The following ZNRF3 variants were observed in gnomAD, a reference collection of about 807,000 sequenced individuals.
ZNRF3 encodes the protein E3 ubiquitin-protein ligase ZNRF3.
In ZNRF3, 23 loss-of-function variants were observed where a neutral mutation model predicts 72.5. The ratio of observed to expected loss-of-function variants is 0.32; its 90% CI spans 0.23 to 0.45. The LOEUF (loss-of-function observed/expected upper bound fraction) is 0.45. Among genes scored for constraint, ZNRF3 ranks in the 20% least tolerant of loss-of-function variants. The pLI is 1.00. For synonymous variants in ZNRF3, 610 were observed against 545.3 expected (o/e 1.12, Z -1.65); for missense variants, 1,169 against 1,272.1 (o/e 0.92, Z 1.23).
chr22:29,049,864 C>G lies in ZNRF3; in HGVS notation c.1683C>G (p.His561Gln). Residue 561 changes from histidine to glutamine, a missense_variant, in exon 8 of 9, where the codon CAC (histidine) becomes CAG (glutamine). His to Gln is a conservative substitution (Grantham distance 24). Coordinates refer to ENST00000544604, the MANE Select transcript of ZNRF3 (RefSeq NM_001206998.2). The surrounding 1 kb of genome is among the most constrained non-coding windows in gnomAD (Gnocchi z 5.2). ...GCAGCAGCAGCTCCGGCCAGTGCCA[C>G]TGTTCCTCCAGTGACTCTGTGGTAG... ...SSSSSSSGQC[H>Q]CSSSDSVVDC... 1 of 1,606,208 alleles carries G rather than the reference C, an allele frequency of 6.2e-7. No individual in the cohort carries two copies. The highest frequency in any genetic ancestry group is 2.2e-5 in the East Asian group (1 of 44,752).
intron 1 of ZNRF3, among the ~76,000 whole-genome samples, chr22:28,980,594 G>A (rs1361346570): frequency 6.6e-6 from 1 of 152,158 alleles, no homozygotes; most frequent in Non-Finnish European, 1.5e-5. Flanking sequence ...TCCTTCAGTT[G>A]ACTTAAGCAA....
In ZNRF3 at chr22:29,050,304, C is replaced by T. The variant is rs775326061; in HGVS notation, c.2123C>T (p.Pro708Leu). 6 of 1,598,482 alleles carry T rather than the reference C, an allele frequency of 3.8e-6. No individual in the cohort carries two copies. The highest frequency in any genetic ancestry group is 5.1e-6 in the Non-Finnish European group (6 of 1,177,964). Reference protein sequence around the residue: ...RRTWKGGHELPSCACCCEPQP... With the variant: ...RRTWKGGHELLSCACCCEPQP... ...ACCTGGAAGGGGGGCCACGAGTTGC[C>T]GTCGTGTGCCTGCTGCTGCGAGCCC... The change falls in exon 8 of 9, where the codon CCG becomes CTG. Residue 708 changes from proline (P) to leucine (L), a missense_variant. This residue lies in a region of ZNRF3 where 783 missense variants were observed against 731.4 expected (regional missense o/e 1.07). Coordinates refer to ENST00000544604, the MANE Select transcript of ZNRF3 (RefSeq NM_001206998.2).
chr22:28,919,657 C>T (rs2034474374), intron 1 of ZNRF3, among the ~76,000 whole-genome samples: 1 of 151,542 alleles, frequency 6.6e-6, no homozygotes, highest in East Asian at 2.0e-4. Flanking sequence ...CAGGCGCGTG[C>T]CACCATGCCT....
intron 2 of ZNRF3, among the ~76,000 whole-genome samples, chr22:29,014,681 C>T (rs963063189): frequency 3.9e-5 from 6 of 152,184 alleles, no homozygotes; most frequent in African/African-American, 9.7e-5. Flanking sequence ...GTGTGCTAGA[C>T]GCTGCAGATA....
At chr22:28,909,170 T>C (rs1430532381) in intron 1 of ZNRF3, among the ~76,000 whole-genome samples, 1 of 152,166 alleles carries the variant, frequency 6.6e-6, no homozygotes, top group Non-Finnish European at 1.5e-5. Flanking sequence ...GTGCTAGGAT[T>C]ACAGGCGTGA....
chr22:28,922,953 G>C (rs1266853852), intron 1 of ZNRF3, among the ~76,000 whole-genome samples: 1 of 152,152 alleles, frequency 6.6e-6, no homozygotes, highest in Non-Finnish European at 1.5e-5. Flanking sequence ...AACCGGCTTG[G>C]AGAAGTTAAG....
At chr22:28,958,154 T>C (rs769691273) in intron 1 of ZNRF3, among the ~76,000 whole-genome samples, 1 of 152,204 alleles carries the variant, frequency 6.6e-6, no homozygotes, top group Non-Finnish European at 1.5e-5. Flanking sequence ...CGCCACTGCA[T>C]GCCAGCCTGG....
chr22:28,945,673 G>A (rs2035041309), intron 1 of ZNRF3, among the ~76,000 whole-genome samples: 1 of 152,020 alleles, frequency 6.6e-6, no homozygotes, highest in African/African-American at 2.4e-5. Context: ...GAGACTACAG[G>A]GGGGCACCAC....
At chr22:29,038,965 TAGAG>T (rs935608948) in intron 2 of ZNRF3, among the ~76,000 whole-genome samples, 2 of 150,496 alleles carry the variant, frequency 1.3e-5, no homozygotes, top group South Asian at 2.1e-4. Context: ...TATATATATA[TAGAG>T]AGAGAGAGAG....
At chr22:28,963,039 G>A (rs1467772939) in intron 1 of ZNRF3, among the ~76,000 whole-genome samples, 1 of 152,234 alleles carries the variant, frequency 6.6e-6, no homozygotes, top group Non-Finnish European at 1.5e-5. Context: ...AGATTAGAGT[G>A]TGCTACCAAA....
Position 28,996,746 on chromosome 22 carries a change from A to G in ZNRF3, c.426+9545A>G, listed in dbSNP as rs575174968. 7.9e-5 allele frequency among the ~76,000 whole-genome samples: 12 copies of G among 152,366 alleles called. No individual in the cohort carries two copies. In the South Asian group the frequency reaches 2.1e-3, roughly 26 times the overall value. On this transcript the variant is annotated intron_variant, in intron 2 of 8. Coordinates refer to ENST00000544604, the MANE Select transcript of ZNRF3 (RefSeq NM_001206998.2). ...CACATTTAATAACAAACAACCAGAC[A>G]GTGAATTTGAAGAACCTCAGCGAAG...
intron 2 of ZNRF3, among the ~76,000 whole-genome samples, chr22:29,035,080 G>A (rs949392540): frequency 2.0e-5 from 3 of 147,102 alleles, no homozygotes; most frequent in Non-Finnish European, 4.4e-5. Flanking sequence ...CTGGCCTCAA[G>A]TGATCCGCCC....
At chr22:29,016,886 A>G (rs2036447314) in intron 2 of ZNRF3, among the ~76,000 whole-genome samples, 1 of 152,218 alleles carries the variant, frequency 6.6e-6, no homozygotes, top group Non-Finnish European at 1.5e-5. Context: ...GTTTTCATCC[A>G]AGAAACATGA....
At chr22:29,027,378 A>G (rs1313836272) in intron 2 of ZNRF3, among the ~76,000 whole-genome samples, 2 of 152,010 alleles carry the variant, frequency 1.3e-5, no homozygotes, top group Non-Finnish European at 1.5e-5. Context: ...CCTCCCGAGT[A>G]GTTGGGATTA....
Position 29,050,893 on chromosome 22 carries a change from C to G in ZNRF3, c.2712C>G (p.Phe904Leu). The G allele has an allele frequency of 6.3e-7, 1 of 1,576,570 alleles. No individual in the cohort carries two copies. ...AGGCGGGTGCTGTCAGGGCCAACTT[C>G]CCTAGTGCCCTCCAGGACACTCAGG... ...PEEAGAVRAN[F>L]PSALQDTQES... Residue 904 changes from phenylalanine (F) to leucine (L), a missense_variant, in exon 8 of 9, where the codon TTC becomes TTG. Phe to Leu is a conservative substitution (Grantham distance 22). Transcript: ENST00000544604.
chr22:29,050,429 C>A lies in ZNRF3; in HGVS notation c.2248C>A (p.Pro750Thr). 1 of 1,607,828 alleles carries A rather than the reference C, an allele frequency of 6.2e-7. No homozygotes were observed. Among genetic ancestry groups the A allele is most frequent in the Non-Finnish European group, 8.5e-7 (1 of 1,177,244 alleles). The part of the protein sequence containing the change: ...YEGSGPAGGE[P>T]QSGSSQGLYG... The stretch of plus-strand genomic sequence containing the variant: ...GGGCTCTGGCCCGGCGGGTGGGGAG[C>A]CCCAGTCAGGAAGCTCCCAGGGCTT... Residue 750 changes from proline to threonine, a missense_variant, in exon 8 of 9, where the codon CCC becomes ACC. By Grantham distance (38) the Pro-to-Thr change is conservative (BLOSUM62 -1). Coordinates refer to ENST00000544604, the MANE Select transcript of ZNRF3 (RefSeq NM_001206998.2).
At chr22:28,934,265 G>A (rs184230205) in intron 1 of ZNRF3, among the ~76,000 whole-genome samples, 1 of 152,126 alleles carries the variant, frequency 6.6e-6, no homozygotes, top group African/African-American at 2.4e-5. Context: ...GTGCTTTGGA[G>A]TGGCCGTTTC....
chr22:28,937,169 CTTATAATATATAT>C (rs1299834512), intron 1 of ZNRF3, among the ~76,000 whole-genome samples: 3 of 128,598 alleles, frequency 2.3e-5, no homozygotes, highest in African/African-American at 1.1e-4. Flanking sequence ...CTACTTCTCT[CTTATAATATATAT>C]ATATATATAT....
intron 2 of ZNRF3, among the ~76,000 whole-genome samples, chr22:29,003,699 A>C (rs2036193181): frequency 6.7e-6 from 1 of 148,550 alleles, no homozygotes; most frequent in East Asian, 2.0e-4. Flanking sequence ...AATTAGCCAG[A>C]TGTGGTGGTG....
Sources: gnomAD v4.1 joint callset for allele counts (sites outside exome capture counted in the v4.1 genomes callset) on GRCh38, gnomAD v4.1.1 for gene constraint, gnomAD v4.1.1 regional missense constraint, Gnocchi (gnomAD v3.1) non-coding constraint, MANE v1.5 for transcripts, NCBI Gene and HGNC (gene_info 2026-07-23, HGNC 2026-07-21) for gene names.